The following CEP112 variants were observed in gnomAD, a reference collection of about 807,000 sequenced individuals.
The protein encoded by CEP112 is centrosomal protein of 112 kDa.
CEP112 carries 127 observed loss-of-function variants against 153.0 expected under a neutral mutation model. The ratio of observed to expected loss-of-function variants is 0.83; its 90% CI spans 0.72 to 0.96. The LOEUF (loss-of-function observed/expected upper bound fraction) is 0.96, where lower values mean the gene tolerates loss of function less well. Ranked by LOEUF, CEP112 falls within the 40% of genes least tolerant of loss-of-function variation. The probability of loss-of-function intolerance (pLI) is 0.00; values close to 1 mark genes in which losing one functional copy is unlikely to be tolerated. For synonymous variants in CEP112, 358 were observed against 374.4 expected, an observed-to-expected ratio of 0.96 and a Z score of 0.51; for missense variants, 1,089 against 1,101.2, an observed-to-expected ratio of 0.99 and a Z score of 0.16.
intron 21 of CEP112, among the ~76,000 whole-genome samples, chr17:65,802,745 C>T (rs1363640474): frequency 6.6e-6 from 1 of 152,194 alleles, no homozygotes; most frequent in African/African-American, 2.4e-5. Flanking sequence ...TCATCTTATT[C>T]TAGGACTCAT....
chr17:66,107,535 C>T (rs942004127), intron 6 of CEP112, among the ~76,000 whole-genome samples: 6 of 152,044 alleles, frequency 3.9e-5, no homozygotes, highest in African/African-American at 1.4e-4. Flanking sequence ...CAAATTAATT[C>T]CATTTACAAT....
At chr17:66,109,837 C>T (rs894589477) in intron 6 of CEP112, among the ~76,000 whole-genome samples, 1 of 152,014 alleles carries the variant, frequency 6.6e-6, no homozygotes. Flanking sequence ...TGAAAAAAAT[C>T]AAGGTGGGGC....
chr17:65,674,007 G>C (rs2047106167), intron 24 of CEP112, among the ~76,000 whole-genome samples: 1 of 152,126 alleles, frequency 6.6e-6, no homozygotes, highest in African/African-American at 2.4e-5. Flanking sequence ...CTCCCGAGTA[G>C]CTGGGATTAC....
chr17:65,701,159 G>A (rs967441674), intron 23 of CEP112, among the ~76,000 whole-genome samples: 1 of 152,192 alleles, frequency 6.6e-6, no homozygotes, highest in Non-Finnish European at 1.5e-5. Context: ...AAGAGATGGC[G>A]AGAAATGATG....
At chr17:65,770,604 G>A (rs190679593) in intron 21 of CEP112, among the ~76,000 whole-genome samples, 17 of 152,060 alleles carry the variant, frequency 1.1e-4, no homozygotes, top group East Asian at 3.9e-4. Flanking sequence ...TTATTCTCAC[G>A]TTAAAATTTC....
At chr17:65,872,211 T>A (rs1281645023) in intron 20 of CEP112, among the ~76,000 whole-genome samples, 5 of 152,066 alleles carry the variant, frequency 3.3e-5, no homozygotes, top group Non-Finnish European at 5.9e-5. Context: ...ATTAACATTT[T>A]TGGGTTTCTT....
intron 8 of CEP112, among the ~76,000 whole-genome samples, chr17:66,082,293 G>A (rs1180894245): frequency 6.6e-6 from 1 of 152,200 alleles, no homozygotes; most frequent in East Asian, 1.9e-4. Flanking sequence ...ACACAATTCT[G>A]TGATGTGGAT....
At chr17:65,867,784 A>G (rs2058532725) in intron 20 of CEP112, among the ~76,000 whole-genome samples, 1 of 152,000 alleles carries the variant, frequency 6.6e-6, no homozygotes, top group South Asian at 2.1e-4. Flanking sequence ...AAATCACCCC[A>G]AATTTGTTCT....
At chr17:65,776,861 C>T (rs968046558) in intron 21 of CEP112, among the ~76,000 whole-genome samples, 6 of 152,080 alleles carry the variant, frequency 3.9e-5, no homozygotes, top group African/African-American at 1.2e-4. Context: ...GCCCATTCTG[C>T]TATATGTTTG....
At chr17:66,087,916 T>C (rs983217000) in intron 8 of CEP112, among the ~76,000 whole-genome samples, 1 of 151,922 alleles carries the variant, frequency 6.6e-6, no homozygotes, top group Non-Finnish European at 1.5e-5. Context: ...CAGGCAGGAC[T>C]CCTCAGCCCT....
intron 18 of CEP112, among the ~76,000 whole-genome samples, chr17:65,959,762 G>T (rs2144744528): frequency 6.6e-6 from 1 of 152,320 alleles, no homozygotes; most frequent in South Asian, 2.1e-4. Flanking sequence ...ACCTGGAGCT[G>T]CCCACCCACT....
chr17:65,656,028 T>A (rs1332764038), intron 24 of CEP112, among the ~76,000 whole-genome samples: 1 of 152,220 alleles, frequency 6.6e-6, no homozygotes, highest in Non-Finnish European at 1.5e-5. Flanking sequence ...GTAACTGGAA[T>A]CTACCCCTCT....
At chr17:65,882,848 G>C (rs1344152388) in intron 20 of CEP112, among the ~76,000 whole-genome samples, 3 of 152,154 alleles carry the variant, frequency 2.0e-5, no homozygotes, top group African/African-American at 7.2e-5. Context: ...ACTAAAACAA[G>C]TTGGTGGCTT....
At chr17:65,982,318 T>C (rs139260949) in intron 17 of CEP112, among the ~76,000 whole-genome samples, 5,491 of 152,294 alleles carry the variant, frequency 0.036, 140 homozygotes, top group Non-Finnish European at 0.053. Flanking sequence ...AAAAATGTGC[T>C]TTATGATAGC....
At chr17:65,786,281 G>A (rs2054269254) in intron 21 of CEP112, among the ~76,000 whole-genome samples, 1 of 151,210 alleles carries the variant, frequency 6.6e-6, no homozygotes, top group South Asian at 2.1e-4. Flanking sequence ...CTGCAACCTT[G>A]GTAAACTCTT....
At chr17:66,096,870 T>C (rs2068369465) in intron 6 of CEP112, among the ~76,000 whole-genome samples, 1 of 152,146 alleles carries the variant, frequency 6.6e-6, no homozygotes. Flanking sequence ...ACTGCCTAAC[T>C]GCCCACTCTC....
rs139770955 is a variant in CEP112 at position 66,132,756 on chromosome 17, G to C, written c.478C>G (p.Gln160Glu). The change falls in exon 5 of 27, where the codon CAG becomes GAG. Residue 160 changes from glutamine to glutamate, a missense_variant. Transcript: ENST00000535342. ...QSPTDVYSREQYTGKLRVRSH... is the reference protein window; with the variant it reads ...QSPTDVYSREEYTGKLRVRSH... ...CTCACTCGGAGCTTCCCAGTGTACTGTTCCCTGCTAAGAGACCAAAATAAT... is the reference window on the plus strand; with the variant it reads ...CTCACTCGGAGCTTCCCAGTGTACTCTTCCCTGCTAAGAGACCAAAATAAT... The C allele has an allele frequency of 1.2e-6, 2 of 1,611,700 alleles. No individual in the cohort carries two copies. Among genetic ancestry groups the C allele is most frequent in the South Asian group, 1.1e-5 (1 of 91,018 alleles).
chr17:65,867,514 A>AT (rs2058525369), intron 20 of CEP112, among the ~76,000 whole-genome samples: 1 of 152,232 alleles, frequency 6.6e-6, no homozygotes, highest in African/African-American at 2.4e-5. Context: ...AGTCATTATT[A>AT]CAAAGACCAA....
intron 23 of CEP112, among the ~76,000 whole-genome samples, chr17:65,701,149 A>G (rs2048611502): frequency 6.6e-6 from 1 of 152,182 alleles, no homozygotes; most frequent in Non-Finnish European, 1.5e-5. Context: ...TGATTTGGAC[A>G]AGAGATGGCG....
Sources: allele counts gnomAD v4.1 joint callset (sites outside exome capture counted in the v4.1 genomes callset), GRCh38; gene constraint gnomAD v4.1.1; transcripts MANE v1.5; gene names NCBI Gene and HGNC (gene_info 2026-07-23, HGNC 2026-07-21).